POLD1: variants seen among roughly 807,000 people sequenced by gnomAD.
POLD1 encodes DNA polymerase delta 1, catalytic subunit, also known as DNA polymerase delta catalytic subunit.
Under a neutral mutation model 129.7 loss-of-function variants are expected in POLD1, and 79 were observed. The ratio of observed to expected loss-of-function variants is 0.61; its 90% CI spans 0.51 to 0.73. POLD1 has a LOEUF of 0.73. Ranked by LOEUF, POLD1 falls within the 30% of genes least tolerant of loss-of-function variation. POLD1 has a pLI of 0.00. For missense variants in POLD1, 1,338 were observed against 1,595.8 expected (o/e 0.84, Z 2.75); for synonymous variants, 714 against 683.3 (o/e 1.04, Z -0.70).
At chr19:50,403,255 G>A (rs1262667783) in intron 9 of POLD1, 36 bp downstream of exon 9, 2 of 1,512,346 alleles carry the variant, frequency 1.3e-6, no homozygotes, top group Non-Finnish European at 1.8e-6. Flanking sequence ...CATTTCCCGG[G>A]GTCCCCGCCA....
intron 24 of POLD1, 149 bp from the exon 25 acceptor site, chr19:50,416,895 GA>G (rs2039318898): frequency 9.6e-7 from 1 of 1,036,336 alleles, no homozygotes; most frequent in East Asian, 2.6e-5. Context: ...CCCACCCCGG[GA>G]GTTCCCCAGG....
At position 50,403,195 on chromosome 19, in the gene POLD1, C is replaced by T. The variant is rs749234758; in HGVS notation, c.1113C>T (p.Tyr371=). Residue 371 remains tyrosine, a synonymous_variant, in exon 9 of 27, where the codon TAC becomes TAT. Transcript: ENST00000440232. ...TCCTGGGTGCCAAGGTGCAGAGCTACGAGAAGGAGGAGGACCTGCTGCAGG... is the reference window on the plus strand; with the variant it reads ...TCCTGGGTGCCAAGGTGCAGAGCTATGAGAAGGAGGAGGACCTGCTGCAGG... ...APILGAKVQS[Y]EKEEDLLQAW... 2.1e-5 allele frequency: 32 copies of T among 1,560,860 alleles called. No homozygotes were observed. The highest frequency in any genetic ancestry group is 1.8e-4 in the Middle Eastern group (1 of 5,504).
chr19:50,388,305 G>A (rs1413212454), intron 1 of POLD1, among the ~76,000 whole-genome samples: 3 of 152,148 alleles, frequency 2.0e-5, no homozygotes, highest in African/African-American at 7.2e-5. Context: ...TACTTTAAAT[G>A]GGTGAATTGT....
At chr19:50,399,861 C>A (rs2038518283) in intron 3 of POLD1, among the ~76,000 whole-genome samples, 1 of 152,188 alleles carries the variant, frequency 6.6e-6, no homozygotes, top group African/African-American at 2.4e-5. Context: ...GTTGCCCAGG[C>A]TGGAGTGCAG....
At position 50,402,721 on chromosome 19, in the gene POLD1, T is replaced by C. The variant is rs1601202863; in HGVS notation, c.950T>C (p.Ile317Thr). 1.3e-6 allele frequency: 2 copies of C among 1,595,146 alleles called. No homozygotes were observed. The highest frequency in any genetic ancestry group is 1.7e-6 in the Non-Finnish European group (2 of 1,167,054). ...CCCTTGCGCGTGCTCAGCTTCGATA[T>C]CGAGTGCGCCGGCCGCAAAGGTCTG... ...IAPLRVLSFD[I>T]ECAGRKGIFP... The change falls in exon 8 of 27, where the codon ATC becomes ACC. Residue 317 changes from isoleucine to threonine, a missense_variant. Physicochemically the swap from Ile to Thr is moderately conservative, Grantham distance 89. Coordinates refer to ENST00000440232, the MANE Select transcript of POLD1 (RefSeq NM_002691.4).
chr19:50,409,340 C>G lies in POLD1; in HGVS notation c.2006+105C>G, dbSNP rs1329720684. On this transcript the variant is annotated intron_variant, in intron 16 of 26. Transcript: ENST00000440232. This position sits in a 1 kb window ranked among gnomAD's most constrained non-coding sequence, Gnocchi z 5.8. ...CAGGGCTGCCCAGCCACCCTGCCCT[C>G]AGCTGTGCGTGAATTAGCACAAGGC... is the stretch of plus-strand genomic sequence containing the variant. 8.2e-7 allele frequency: 1 copy of G among 1,217,128 alleles called. No individual in the cohort carries two copies. Among genetic ancestry groups the G allele is most frequent in the Non-Finnish European group, 1.2e-6 (1 of 840,668 alleles). 75.4% of individuals were successfully genotyped at this position (1,217,128 alleles called of 1,614,324 possible).
intron 1 of POLD1, among the ~76,000 whole-genome samples, chr19:50,391,776 A>C (rs1055523245): frequency 6.6e-6 from 1 of 151,812 alleles, no homozygotes; most frequent in Non-Finnish European, 1.5e-5. Flanking sequence ...GCAATGGCGC[A>C]ATCTTGGCTC....
Position 50,401,790 on chromosome 19 carries a change from C to G in POLD1, c.329C>G (p.Pro110Arg), listed in dbSNP as rs1342814246. 2 of 1,612,778 alleles carry G rather than the reference C, an allele frequency of 1.2e-6. No individual in the cohort carries two copies. The highest frequency in any genetic ancestry group is 3.3e-5 in the Admixed American group (2 of 60,006). ...TGTGACCCCACAGGCCCAGCGCAGC[C>G]TGTGCCTGGGGGGCCCCCACCATCC... ...EIDHYVGPAQ[P>R]VPGGPPPSRG... Residue 110 changes from proline (P) to arginine (R), a missense_variant, in exon 4 of 27, where the codon CCT becomes CGT. By Grantham distance (103) the Pro-to-Arg change is moderately radical. Transcript: ENST00000440232.
Position 50,403,450 on chromosome 19 carries a change from G to T in POLD1, c.1138-43G>T, listed in dbSNP as rs1441678625. 2.8e-6 allele frequency: 4 copies of T among 1,430,962 alleles called. No homozygotes were observed. In the South Asian group the frequency reaches 3.4e-5, roughly 12 times the overall value. The allele number at this position is 1,430,962 out of a possible 1,614,324, so 88.6% of individuals were successfully genotyped here. A position where few individuals can be genotyped will look rare whatever the true frequency, so the allele number is the denominator to read the frequency against. On this transcript the variant is annotated intron_variant, in intron 9 of 26. Transcript: ENST00000440232. ...CATTCTGGAAGTAGGGGAATCCGAG[G>T]CAGGGCAACCACCAGGGTGACCCAA...
Position 50,403,551 on chromosome 19 carries a change from A to G in POLD1, c.1196A>G (p.Gln399Arg). 3.1e-6 allele frequency: 5 copies of G among 1,614,060 alleles called. No individual in the cohort carries two copies. Among genetic ancestry groups the G allele is most frequent in the South Asian group, 1.1e-5 (1 of 91,078 alleles). ...GACGTGATCACCGGTTACAACATCC[A>G]GAACTTCGACCTTCCGTACCTCATC... is the stretch of plus-strand genomic sequence containing the variant. ...DPDVITGYNI[Q>R]NFDLPYLISR... is the part of the protein sequence containing the mutation. The change falls in exon 10 of 27, where the codon CAG (glutamine) becomes CGG (arginine). Residue 399 changes from glutamine to arginine, a missense_variant. Transcript: ENST00000440232.
In POLD1 at chr19:50,409,978, T is replaced by G. The variant is rs1485163017; in HGVS notation, c.2154+312T>G. 6.6e-6 allele frequency among the ~76,000 whole-genome samples: 1 copy of G among 152,142 alleles called. No individual in the cohort carries two copies. The highest frequency in any genetic ancestry group is 1.5e-5 in the Non-Finnish European group (1 of 68,014). On this transcript the variant is annotated intron_variant, in intron 17 of 26. Coordinates refer to ENST00000440232, the MANE Select transcript of POLD1 (RefSeq NM_002691.4). This position sits in a 1 kb window ranked among gnomAD's most constrained non-coding sequence, Gnocchi z 5.8. ...ACTGACAGGTCTGTGTAAACGTGTTTAGGACACAAGTGGCGCTACGAGCTT... is the reference window on the plus strand; with the variant it reads ...ACTGACAGGTCTGTGTAAACGTGTTGAGGACACAAGTGGCGCTACGAGCTT...
At chr19:50,395,620 C>T (rs1273975305) in intron 1 of POLD1, among the ~76,000 whole-genome samples, 2 of 151,994 alleles carry the variant, frequency 1.3e-5, no homozygotes, top group South Asian at 2.1e-4. Context: ...AACACCTGCA[C>T]GCCCTTTGCC....
rs878854552 is a variant in POLD1, at chr19:50,417,916, G to T, written c.3293G>T (p.Arg1098Leu). Residue 1098 changes from arginine to leucine, a missense_variant, in exon 27 of 27, where the codon CGC (arginine) becomes CTC (leucine). Arg to Leu is a moderately radical substitution (Grantham distance 102). Transcript: ENST00000440232. ...GAAGACCAGGAGCAGCTCCTGCGGCGCTTCGGACCCCCTGGACCTGAGGCC... is the reference window on the plus strand; with the variant it reads ...GAAGACCAGGAGCAGCTCCTGCGGCTCTTCGGACCCCCTGGACCTGAGGCC... Reference protein sequence around the residue: ...DLEDQEQLLRRFGPPGPEAW With the variant: ...DLEDQEQLLRLFGPPGPEAW 1.9e-6 allele frequency: 3 copies of T among 1,611,002 alleles called. No homozygotes were observed. The highest frequency in any genetic ancestry group is 3.3e-5 in the Admixed American group (2 of 59,750).
rs2122383722 is a variant in POLD1 at position 50,409,503 on chromosome 19, C to T, written c.2007-16C>T. On this transcript the variant is annotated splice_polypyrimidine_tract_variant and intron_variant, in intron 16 of 26. Coordinates refer to ENST00000440232, the MANE Select transcript of POLD1 (RefSeq NM_002691.4). The surrounding 1 kb of genome is among the most constrained non-coding windows in gnomAD (Gnocchi z 5.8). ...CAGGTGCCGCCTGAGTGTGCTTTCC[C>T]CGTGTTCCCTCGCAGGGCCAAGGCC... 6.2e-7 allele frequency: 1 copy of T among 1,613,536 alleles called. No homozygotes were observed. Among genetic ancestry groups the T allele is most frequent in the South Asian group, 1.1e-5 (1 of 91,076 alleles).
At position 50,399,271 on chromosome 19, in the gene POLD1, A is replaced by G. The variant is rs1309451008; in HGVS notation, c.203-100A>G. 6.2e-5 allele frequency: 73 copies of G among 1,179,592 alleles called. 2 individuals carry two copies. In the South Asian group the frequency reaches 7.3e-4, roughly 12 times the overall value. The allele number at this position is 1,179,592 out of a possible 1,614,324, so 73.1% of individuals were successfully genotyped here. A position where few individuals can be genotyped will look rare whatever the true frequency, so the allele number is the denominator to read the frequency against. On this transcript the variant is annotated intron_variant, in intron 2 of 26. Transcript: ENST00000440232. ...CTCTTCCAAGTTTCCTGCCTGACCC[A>G]GACCACCACCTCTGCCTGGCTCCTT...
rs781762349 is a variant in POLD1 at position 50,417,829 on chromosome 19, C to T, written c.3219-13C>T. 5.8e-6 allele frequency: 9 copies of T among 1,559,204 alleles called. No individual in the cohort carries two copies. The highest frequency in any genetic ancestry group is 2.7e-5 in the African/African-American group (2 of 73,724). On this transcript the variant is annotated splice_polypyrimidine_tract_variant and intron_variant, in intron 26 of 26. Transcript: ENST00000440232. The stretch of plus-strand genomic sequence containing the variant: ...TTGGCTGGTCCTGACCCTGCCCCTG[C>T]CCCCACCCGCAGCCGGGACTGCCCC...
At position 50,417,683 on chromosome 19, in the gene POLD1, C is replaced by G. The variant is rs1253676903; in HGVS notation, c.3219-159C>G. ...CGCTGTTATCGGCTCCCCCCCCCCACCCCCCCCGTGCCTGCTGAGCAAACA... is the reference window on the plus strand; with the variant it reads ...CGCTGTTATCGGCTCCCCCCCCCCAGCCCCCCCGTGCCTGCTGAGCAAACA... On this transcript the variant is annotated intron_variant, in intron 26 of 26. Coordinates refer to ENST00000440232, the MANE Select transcript of POLD1 (RefSeq NM_002691.4). Among the ~76,000 whole-genome samples, 37 of 77,068 alleles carry G rather than the reference C, an allele frequency of 4.8e-4. 2 individuals are homozygous for G. Among genetic ancestry groups the G allele is most frequent in the African/African-American group, 3.2e-3 (36 of 11,410 alleles). 50.6% of individuals were successfully genotyped at this position (77,068 alleles called of 152,430 possible). A position where few individuals can be genotyped will look rare whatever the true frequency, so the allele number is the denominator to read the frequency against.
At chr19:50,413,931 C>T (rs2122453701) in intron 19 of POLD1, 52 bp downstream of exon 19, 1 of 1,509,716 alleles carries the variant, frequency 6.6e-7, no homozygotes, top group Non-Finnish European at 8.9e-7. Flanking sequence ...TCAGGGTACT[C>T]AGGGTGTCCC....
chr19:50,394,649 G>A (rs757619132), intron 1 of POLD1, among the ~76,000 whole-genome samples: 10 of 151,736 alleles, frequency 6.6e-5, no homozygotes, highest in South Asian at 2.1e-4. Context: ...GTGAGACTCC[G>A]TCTAAAAAAA....
Sources: allele counts gnomAD v4.1 joint callset (sites outside exome capture counted in the v4.1 genomes callset), GRCh38; gene constraint gnomAD v4.1.1; non-coding constraint Gnocchi (gnomAD v3.1); transcripts MANE v1.5; gene names NCBI Gene and HGNC (gene_info 2026-07-23, HGNC 2026-07-21).